SLC24A4: variants seen among roughly 807,000 people sequenced by gnomAD.
SLC24A4 encodes the protein solute carrier family 24 member 4, also known as sodium/potassium/calcium exchanger 4.
A neutral mutation model predicts 79.0 loss-of-function variants in SLC24A4; 53 were observed. The observed-to-expected ratio is 0.67, with a 90% confidence interval of 0.54 to 0.84. The LOEUF (loss-of-function observed/expected upper bound fraction) is 0.84, where lower values mean the gene tolerates loss of function less well. Ranked by LOEUF, SLC24A4 falls within the 40% of genes least tolerant of loss-of-function variation. SLC24A4 has a pLI of 0.00. For missense variants in SLC24A4, 731 were observed against 822.0 expected (o/e 0.89, Z 1.35); for synonymous variants, 323 against 323.8 (o/e 1.00, Z 0.03).
intron 2 of SLC24A4, among the ~76,000 whole-genome samples, chr14:92,419,009 G>A (rs1891138385): frequency 6.6e-6 from 1 of 152,082 alleles, no homozygotes; most frequent in Non-Finnish European, 1.5e-5. Flanking sequence ...GCCAATTTTT[G>A]TGTTCTTTAG....
At position 92,335,299 on chromosome 14, in the gene SLC24A4, A is replaced by G. The variant is rs191468992; in HGVS notation, c.241+9321A>G. Among the ~76,000 whole-genome samples, 100 of 152,182 alleles carry G rather than the reference A, an allele frequency of 6.6e-4. 2 individuals are homozygous for G. The East Asian group carries it at 0.018, about 27-fold the overall frequency. On this transcript the variant is annotated intron_variant, in intron 2 of 16. Transcript: ENST00000532405. Reference sequence around the variant, plus strand: ...TGTTATTAACTAATGTCCACCTTTTACATTAGGGCTTCCTCTTTGTGTGAC... The same window carrying G: ...TGTTATTAACTAATGTCCACCTTTTGCATTAGGGCTTCCTCTTTGTGTGAC...
At chr14:92,459,834 GC>G (rs923702419) in intron 12 of SLC24A4, among the ~76,000 whole-genome samples, 4 of 152,096 alleles carry the variant, frequency 2.6e-5, no homozygotes, top group South Asian at 2.1e-4. Context: ...GTGAGACTCC[GC>G]CCCCGACAGA....
intron 12 of SLC24A4, among the ~76,000 whole-genome samples, chr14:92,471,203 C>T (rs1239532862): frequency 6.6e-6 from 1 of 152,196 alleles, no homozygotes; most frequent in African/African-American, 2.4e-5. Context: ...TGTCCATACT[C>T]AGCTGGTGGC....
intron 2 of SLC24A4, among the ~76,000 whole-genome samples, chr14:92,362,906 C>T (rs1440936541): frequency 6.6e-6 from 1 of 152,242 alleles, no homozygotes; most frequent in Non-Finnish European, 1.5e-5. Context: ...TGGATGCCTG[C>T]TGGATGCAGA....
At chr14:92,483,784 T>A in intron 13 of SLC24A4, 2 of 1,290,044 alleles carry the variant, frequency 1.6e-6, no homozygotes, top group Non-Finnish European at 2.0e-6. Context: ...ATTGTGAAAC[T>A]CACTCTCAGC....
intron 2 of SLC24A4, among the ~76,000 whole-genome samples, chr14:92,386,806 C>T (rs1889182997): frequency 6.6e-6 from 1 of 152,226 alleles, no homozygotes; most frequent in African/African-American, 2.4e-5. Flanking sequence ...CGGCTGTGGC[C>T]TGGGCTGCTG....
chr14:92,362,645 G>A (rs766595380), intron 2 of SLC24A4, among the ~76,000 whole-genome samples: 6 of 152,198 alleles, frequency 3.9e-5, no homozygotes, highest in Non-Finnish European at 8.8e-5. Flanking sequence ...CTAAAAACAA[G>A]GGATGTGTTT....
chr14:92,487,243 A>C (rs1000754471), intron 14 of SLC24A4, among the ~76,000 whole-genome samples: 5 of 152,228 alleles, frequency 3.3e-5, no homozygotes, highest in African/African-American at 1.2e-4. Context: ...ACTACGTGGC[A>C]TGGGCTGAGC....
intron 2 of SLC24A4, among the ~76,000 whole-genome samples, chr14:92,347,798 G>A (rs1053011381): frequency 4.6e-5 from 7 of 152,068 alleles, no homozygotes; most frequent in Non-Finnish European, 7.4e-5. Context: ...TTGGTGGTGG[G>A]CATCTGTAAT....
At chr14:92,477,485 T>C (rs549330037) in intron 12 of SLC24A4, among the ~76,000 whole-genome samples, 2 of 152,328 alleles carry the variant, frequency 1.3e-5, no homozygotes, top group African/African-American at 4.8e-5. Flanking sequence ...GTTTTGTTTT[T>C]CCAGACAAGA....
chr14:92,427,586 C>G (rs1034929514), intron 2 of SLC24A4, among the ~76,000 whole-genome samples: 1 of 152,206 alleles, frequency 6.6e-6, no homozygotes, highest in Non-Finnish European at 1.5e-5. Flanking sequence ...GGCAGAGGGA[C>G]TCAAGAGCAG....
At chr14:92,346,167 G>A (rs1031145123) in intron 2 of SLC24A4, among the ~76,000 whole-genome samples, 1 of 152,168 alleles carries the variant, frequency 6.6e-6, no homozygotes, top group African/African-American at 2.4e-5. Flanking sequence ...GATACAGACT[G>A]AACTCATTGA....
intron 2 of SLC24A4, among the ~76,000 whole-genome samples, chr14:92,403,282 A>G (rs185170913): frequency 1.3e-5 from 2 of 152,064 alleles, no homozygotes; most frequent in African/African-American, 2.4e-5. Flanking sequence ...ATCCCCGCAC[A>G]CAGAATTAGT....
chr14:92,401,245 T>A (rs1890097120), intron 2 of SLC24A4, among the ~76,000 whole-genome samples: 1 of 152,194 alleles, frequency 6.6e-6, no homozygotes. Flanking sequence ...CCTGCTGCTG[T>A]GCTGGTAGAT....
At chr14:92,407,626 G>A (rs1456063477) in intron 2 of SLC24A4, among the ~76,000 whole-genome samples, 1 of 150,964 alleles carries the variant, frequency 6.6e-6, no homozygotes, top group Non-Finnish European at 1.5e-5. Context: ...CTCTTACCAT[G>A]GTGGAGCAGG....
chr14:92,397,210 G>A (rs141421985), intron 2 of SLC24A4, among the ~76,000 whole-genome samples: 4,500 of 152,246 alleles, frequency 0.03, 92 homozygotes, highest in Non-Finnish European at 0.045. Context: ...TGGATAATCC[G>A]AAATTTGCAT....
At chr14:92,422,216 A>G (rs1236853275) in intron 2 of SLC24A4, among the ~76,000 whole-genome samples, 1 of 152,228 alleles carries the variant, frequency 6.6e-6, no homozygotes, top group African/African-American at 2.4e-5. Context: ...ATTTGTGGGA[A>G]GACTACAGGA....
At chr14:92,355,959 T>C (rs1309508903) in intron 2 of SLC24A4, among the ~76,000 whole-genome samples, 13 of 152,232 alleles carry the variant, frequency 8.5e-5, no homozygotes, top group Non-Finnish European at 2.9e-5. Flanking sequence ...TGACTTACAA[T>C]GGTTTGACTT....
In SLC24A4 at chr14:92,496,972, T is replaced by A. The variant is rs930614707; in HGVS notation, c.*3344T>A. The A allele has an allele frequency of 6.6e-6, 1 of 152,248 alleles. No homozygotes were observed. Among genetic ancestry groups the A allele is most frequent in the Non-Finnish European group, 1.5e-5 (1 of 68,104 alleles). The allele number at this position is 152,248 out of a possible 1,614,324, so 9.4% of individuals were successfully genotyped here. A position where few individuals can be genotyped will look rare whatever the true frequency, so the allele number is the denominator to read the frequency against. The stretch of plus-strand genomic sequence containing the variant: ...TGCGCCACCACACCCAGCTAATTTT[T>A]GTATTTTTAGTAGAGACGGGTTTTC... On this transcript the variant is annotated 3_prime_UTR_variant, in exon 17 of 17. Transcript: ENST00000532405.
Sources: gnomAD v4.1 joint callset for allele counts (sites outside exome capture counted in the v4.1 genomes callset) on GRCh38, gnomAD v4.1.1 for gene constraint, MANE v1.5 for transcripts, NCBI Gene and HGNC (gene_info 2026-07-23, HGNC 2026-07-21) for gene names.